CEP85L: variants seen among roughly 807,000 people sequenced by gnomAD.
CEP85L encodes centrosomal protein 85L.
Under a neutral mutation model 100.3 loss-of-function variants are expected in CEP85L, and 60 were observed. The ratio of observed to expected loss-of-function variants is 0.60; its 90% CI spans 0.49 to 0.74. The LOEUF (loss-of-function observed/expected upper bound fraction) is 0.74. CEP85L is among the 30% of genes least tolerant of loss of function. CEP85L has a pLI of 0.00. For missense variants in CEP85L, 973 were observed against 936.2 expected (o/e 1.04, Z -0.51); for synonymous variants, 319 against 322.7 (o/e 0.99, Z 0.12).
intron 10 of CEP85L, among the ~76,000 whole-genome samples, chr6:118,471,508 T>C (rs1050879257): frequency 5.3e-5 from 8 of 151,986 alleles, no homozygotes; most frequent in African/African-American, 1.9e-4. Context: ...CAATCTACTA[T>C]AAAGATATTT....
intron 1 of CEP85L, among the ~76,000 whole-genome samples, chr6:118,638,703 CA>C (rs1346585027): frequency 6.6e-6 from 1 of 151,318 alleles, no homozygotes; most frequent in African/African-American, 2.4e-5. Context: ...CCTTGGAAGA[CA>C]ATATGTTACA....
At chr6:118,671,998 G>A (rs1275745992) in intron 1 of CEP85L, among the ~76,000 whole-genome samples, 3 of 152,080 alleles carry the variant, frequency 2.0e-5, no homozygotes, top group African/African-American at 7.2e-5. Flanking sequence ...AGGGAGGAAG[G>A]TTTTTCTTTA....
At chr6:118,708,375 A>G (rs1777669652) in intron 1 of CEP85L, among the ~76,000 whole-genome samples, 1 of 152,230 alleles carries the variant, frequency 6.6e-6, no homozygotes, top group Admixed American at 6.5e-5. Flanking sequence ...AAGGCCTTGG[A>G]TTAAGTTGTG....
chr6:118,606,235 T>C (rs1026506802), intron 2 of CEP85L, among the ~76,000 whole-genome samples: 2 of 152,230 alleles, frequency 1.3e-5, no homozygotes, highest in Admixed American at 6.5e-5. Context: ...TCTTATTACC[T>C]GACTTTAGCC....
rs550797709 is a variant in CEP85L, at chr6:118,632,657, CAGA to C, written c.74-49_74-47del. On this transcript the variant is annotated intron_variant, in intron 1 of 12. Coordinates refer to ENST00000368491, the MANE Select transcript of CEP85L (RefSeq NM_001042475.3). ...CAGTTAACACATATATCTGAGTAGGCAGAAGATTTTTTTTTTACCTTGTGGAAA... is the reference window on the plus strand; with the variant it reads ...CAGTTAACACATATATCTGAGTAGGCAGATTTTTTTTTTACCTTGTGGAAA... 92 of 1,507,482 alleles carry C rather than the reference CAGA, an allele frequency of 6.1e-5. No individual in the cohort carries two copies. The East Asian group carries it at 1.5e-3, about 24-fold the overall frequency. 93.4% of individuals were successfully genotyped at this position (1,507,482 alleles called of 1,614,324 possible). A position where few individuals can be genotyped will look rare whatever the true frequency, so the allele number is the denominator to read the frequency against.
intron 2 of CEP85L, among the ~76,000 whole-genome samples, chr6:118,619,423 C>T (rs934563142): frequency 3.3e-5 from 5 of 152,138 alleles, no homozygotes; most frequent in Admixed American, 6.5e-5. Flanking sequence ...CTTTGCCCTT[C>T]GTGACAATAC....
intron 5 of CEP85L, among the ~76,000 whole-genome samples, chr6:118,498,947 C>T (rs1775101256): frequency 6.6e-6 from 1 of 152,124 alleles, no homozygotes; most frequent in African/African-American, 2.4e-5. Flanking sequence ...AAATCAAAAA[C>T]AGAAAGACAG....
At position 118,612,676 on chromosome 6, in the gene CEP85L, CGGGG is replaced by C. The variant is rs55782430; in HGVS notation, c.232+19773_232+19776del. 1.3e-4 allele frequency among the ~76,000 whole-genome samples: 10 copies of C among 77,458 alleles called. No homozygotes were observed. The East Asian group carries it at 3.5e-3, about 27-fold the overall frequency. The allele number at this position is 77,458 out of a possible 152,430, so 50.8% of individuals were successfully genotyped here. A position where few individuals can be genotyped will look rare whatever the true frequency, so the allele number is the denominator to read the frequency against. On this transcript the variant is annotated intron_variant, in intron 2 of 12. Coordinates refer to ENST00000368491, the MANE Select transcript of CEP85L (RefSeq NM_001042475.3). ...ACTCTGTCTCAAAAAAAAAAAAAAG[CGGGG>C]GGGGGGGGGGGGGACTCTCAAATCA...
chr6:118,536,028 A>G (rs1250262737), intron 3 of CEP85L, among the ~76,000 whole-genome samples: 1 of 152,158 alleles, frequency 6.6e-6, no homozygotes, highest in African/African-American at 2.4e-5. Context: ...TTGTAGGTAA[A>G]TGTTTACATA....
rs1562297733 is a variant in CEP85L, at chr6:118,600,300, G to GGGGGTGTGTGT, written c.232+32152_232+32153insACACACACCCC. ...CTGCCTGTCCCTGAGCCTTCCTGGG[G>GGGGGTGTGTGT]GTGTGTGTGTGTGTGTGTGTGTGTG... On this transcript the variant is annotated intron_variant, in intron 2 of 12. Transcript: ENST00000368491. Among the ~76,000 whole-genome samples the GGGGGTGTGTGT allele has an allele frequency of 4.6e-4, 24 of 52,242 alleles. 2 individuals carry two copies. Among genetic ancestry groups the GGGGGTGTGTGT allele is most frequent in the Admixed American group, 1.0e-3 (5 of 4,836 alleles). 34.3% of individuals were successfully genotyped at this position (52,242 alleles called of 152,430 possible). A position where few individuals can be genotyped will look rare whatever the true frequency, so the allele number is the denominator to read the frequency against.
chr6:118,615,405 T>A (rs1244383560), intron 2 of CEP85L, among the ~76,000 whole-genome samples: 1 of 148,506 alleles, frequency 6.7e-6, no homozygotes, highest in Non-Finnish European at 1.5e-5. Flanking sequence ...AACAAAACAG[T>A]ACACATAATA....
intron 5 of CEP85L, among the ~76,000 whole-genome samples, chr6:118,506,638 G>C (rs1172031446): frequency 6.6e-6 from 1 of 152,110 alleles, no homozygotes; most frequent in African/African-American, 2.4e-5. Flanking sequence ...AACCAATCTA[G>C]AAAACTAAGC....
intron 5 of CEP85L, chr6:118,501,831 AG>A (rs1491073057): frequency 1.7e-6 from 2 of 1,174,508 alleles, no homozygotes; most frequent in South Asian, 1.4e-5. Flanking sequence ...AGAGAGAGAG[AG>A]GACTCTGGAG....
chr6:118,598,801 G>C (rs1781580704), intron 2 of CEP85L, among the ~76,000 whole-genome samples: 1 of 152,170 alleles, frequency 6.6e-6, no homozygotes, highest in Non-Finnish European at 1.5e-5. Flanking sequence ...AACTAATACA[G>C]GGGAGTAGAG....
chr6:118,661,953 G>A (rs1240410741), intron 1 of CEP85L, among the ~76,000 whole-genome samples: 4 of 152,190 alleles, frequency 2.6e-5, no homozygotes, highest in Admixed American at 1.3e-4. Flanking sequence ...CAGCACCAGA[G>A]ACTTGGGTTT....
chr6:118,610,173 T>A (rs1772514922), intron 2 of CEP85L, among the ~76,000 whole-genome samples: 1 of 152,214 alleles, frequency 6.6e-6, no homozygotes, highest in Non-Finnish European at 1.5e-5. Flanking sequence ...TCAGAAATTA[T>A]TCAAGGTTGT....
intron 2 of CEP85L, among the ~76,000 whole-genome samples, chr6:118,572,378 A>T (rs1779950538): frequency 6.6e-6 from 1 of 151,236 alleles, no homozygotes; most frequent in Non-Finnish European, 1.5e-5. Flanking sequence ...ACATCGTGAA[A>T]CCCCGTCTCT....
At chr6:118,685,927 C>G (rs1156834550) in intron 1 of CEP85L, among the ~76,000 whole-genome samples, 1 of 152,164 alleles carries the variant, frequency 6.6e-6, no homozygotes, top group African/African-American at 2.4e-5. Context: ...TAAGGAAGAA[C>G]CAAGCAACCT....
chr6:118,689,304 T>C (rs1776951396), intron 1 of CEP85L, among the ~76,000 whole-genome samples: 1 of 151,920 alleles, frequency 6.6e-6, no homozygotes, highest in Admixed American at 6.6e-5. Context: ...TACTTTAAGG[T>C]GCTGCATGTA....
Sources: allele counts gnomAD v4.1 joint callset (sites outside exome capture counted in the v4.1 genomes callset), GRCh38; gene constraint gnomAD v4.1.1; transcripts MANE v1.5; gene names NCBI Gene and HGNC (gene_info 2026-07-23, HGNC 2026-07-21).